Variants in LRRTM3 observed in about 807,000 individuals in gnomAD.
LRRTM3 encodes the protein leucine rich repeat transmembrane neuronal 3.
Under a neutral mutation model 44.7 loss-of-function variants are expected in LRRTM3, and 24 were observed. That is an observed-to-expected ratio of 0.54 (90% CI 0.39 to 0.76). The LOEUF is 0.76. Among genes scored for constraint, LRRTM3 ranks in the 30% least tolerant of loss-of-function variants. The pLI is 0.00. For synonymous variants in LRRTM3, 277 were observed against 278.7 expected (o/e 0.99, Z 0.06); for missense variants, 587 against 702.2 (o/e 0.84, Z 1.85).
intron 2 of LRRTM3, among the ~76,000 whole-genome samples, chr10:67,057,514 G>A (rs936749825): frequency 1.3e-5 from 2 of 152,152 alleles, no homozygotes; most frequent in South Asian, 4.1e-4. Context: ...GGACCATGCA[G>A]TAGTTCTCTT....
intron 2 of LRRTM3, among the ~76,000 whole-genome samples, chr10:67,053,602 C>T (rs957452844): frequency 2.0e-5 from 3 of 152,136 alleles, no homozygotes; most frequent in Non-Finnish European, 4.4e-5. Context: ...ATCTGAAGCA[C>T]TTTTTGCTCT....
At chr10:67,004,530 A>G (rs1851865052) in intron 2 of LRRTM3, among the ~76,000 whole-genome samples, 1 of 152,164 alleles carries the variant, frequency 6.6e-6, no homozygotes, top group African/African-American at 2.4e-5. Context: ...AAATTTTGAA[A>G]CACAAGATAT....
chr10:67,029,058 G>C (rs1331362522), intron 2 of LRRTM3, among the ~76,000 whole-genome samples: 1 of 152,100 alleles, frequency 6.6e-6, no homozygotes, highest in Non-Finnish European at 1.5e-5. Context: ...GAGTATATGT[G>C]GATGTAAGAG....
intron 2 of LRRTM3, among the ~76,000 whole-genome samples, chr10:66,982,402 G>GT (rs1274751877): frequency 6.6e-6 from 1 of 152,106 alleles, no homozygotes; most frequent in Non-Finnish European, 1.5e-5. Context: ...CTAAATCTCA[G>GT]TTTTTTCACC....
chr10:67,099,826 T>C lies in LRRTM3; in HGVS notation c.*2030T>C, dbSNP rs1358096893. On this transcript the variant is annotated 3_prime_UTR_variant, in exon 3 of 3. Coordinates refer to ENST00000361320, the MANE Select transcript of LRRTM3 (RefSeq NM_178011.5). ...ATTTTAATCTTTATGTTTTCCATTTTCTAATTTCCTTGCAATGTATTATTC... is the reference window on the plus strand; with the variant it reads ...ATTTTAATCTTTATGTTTTCCATTTCCTAATTTCCTTGCAATGTATTATTC... 6.6e-6 allele frequency: 1 copy of C among 151,836 alleles called. No individual in the cohort carries two copies. Among genetic ancestry groups the C allele is most frequent in the African/African-American group, 2.4e-5 (1 of 41,396 alleles). The allele number at this position is 151,836 out of a possible 1,614,324, so 9.4% of individuals were successfully genotyped here. A position where few individuals can be genotyped will look rare whatever the true frequency, so the allele number is the denominator to read the frequency against.
At chr10:67,052,310 ATCACTCTC>A (rs757071951) in intron 2 of LRRTM3, among the ~76,000 whole-genome samples, 12 of 92,836 alleles carry the variant, frequency 1.3e-4, no homozygotes, top group African/African-American at 4.9e-4. Flanking sequence ...ACACCCACTC[ATCACTCTC>A]TCTCTCTCTC....
At chr10:67,031,664 C>T (rs1853736337) in intron 2 of LRRTM3, among the ~76,000 whole-genome samples, 1 of 152,164 alleles carries the variant, frequency 6.6e-6, no homozygotes, top group African/African-American at 2.4e-5. Flanking sequence ...GGTAACAAAA[C>T]TGTCAGAATT....
intron 2 of LRRTM3, among the ~76,000 whole-genome samples, chr10:66,960,154 C>A (rs12247723): frequency 0.048 from 7,263 of 152,102 alleles, 597 homozygotes; most frequent in African/African-American, 0.17. Flanking sequence ...TCTCTCTCTG[C>A]AGATAACTTT....
At position 67,097,879 on chromosome 10, in the gene LRRTM3, C is replaced by A. The variant is rs766250252; in HGVS notation, c.*83C>A. 7.3e-6 allele frequency: 9 copies of A among 1,239,892 alleles called. No individual in the cohort carries two copies. The highest frequency in any genetic ancestry group is 1.0e-5 in the Non-Finnish European group (9 of 865,404). 76.8% of individuals were successfully genotyped at this position (1,239,892 alleles called of 1,614,324 possible). On this transcript the variant is annotated 3_prime_UTR_variant, in exon 3 of 3. Coordinates refer to ENST00000361320, the MANE Select transcript of LRRTM3 (RefSeq NM_178011.5). ...GAGGAAGATGTGTTCATTGTGGACT[C>A]TAAAAACAAAACAAAACACAAAATC... is the stretch of plus-strand genomic sequence containing the variant.
At chr10:66,951,563 A>G (rs1848542124) in intron 2 of LRRTM3, among the ~76,000 whole-genome samples, 1 of 152,190 alleles carries the variant, frequency 6.6e-6, no homozygotes, top group Admixed American at 6.6e-5. Context: ...AATTTTAAGT[A>G]ATATATTGAA....
intron 2 of LRRTM3, among the ~76,000 whole-genome samples, chr10:67,068,344 A>T (rs1856219972): frequency 6.6e-6 from 1 of 152,118 alleles, no homozygotes. Flanking sequence ...ATAAAAGATG[A>T]TAAGGTTTGG....
chr10:66,963,288 C>T (rs1217732506), intron 2 of LRRTM3, among the ~76,000 whole-genome samples: 1 of 152,134 alleles, frequency 6.6e-6, no homozygotes, highest in Non-Finnish European at 1.5e-5. Context: ...GCTTTGAACT[C>T]CACCTCTGCA....
At chr10:66,959,813 C>A (rs539792232) in intron 2 of LRRTM3, among the ~76,000 whole-genome samples, 1 of 152,226 alleles carries the variant, frequency 6.6e-6, no homozygotes, top group African/African-American at 2.4e-5. Context: ...AGAAACTTTG[C>A]TGACACAAAC....
rs983337665 is a variant in LRRTM3 at position 67,071,806 on chromosome 10, T to A, written c.1537-25781T>A. On this transcript the variant is annotated intron_variant, in intron 2 of 2. Coordinates refer to ENST00000361320, the MANE Select transcript of LRRTM3 (RefSeq NM_178011.5). Reference sequence around the variant, plus strand: ...ACACAATATCTAATTTTTCCCTTTTTCTTTCTATGCTTTGAGTATTTTTTC... The same window carrying A: ...ACACAATATCTAATTTTTCCCTTTTACTTTCTATGCTTTGAGTATTTTTTC... Among the ~76,000 whole-genome samples the A allele has an allele frequency of 1.4e-4, 21 of 152,206 alleles. 1 individual carries two copies. The highest frequency in any genetic ancestry group is 5.1e-4 in the African/African-American group (21 of 41,446).
At chr10:67,075,335 G>T (rs186336077) in intron 2 of LRRTM3, among the ~76,000 whole-genome samples, 225 of 152,150 alleles carry the variant, frequency 1.5e-3, no homozygotes, top group African/African-American at 5.2e-3. Context: ...GTATTAACAA[G>T]AACAAGTATT....
intron 2 of LRRTM3, among the ~76,000 whole-genome samples, chr10:67,005,813 G>A (rs1851952339): frequency 6.7e-6 from 1 of 149,140 alleles, no homozygotes; most frequent in Non-Finnish European, 1.5e-5. Flanking sequence ...AGCCTCCCGA[G>A]TAACTGGGAT....
chr10:66,987,467 C>A (rs974394833), intron 2 of LRRTM3, among the ~76,000 whole-genome samples: 1 of 152,146 alleles, frequency 6.6e-6, no homozygotes, highest in Non-Finnish European at 1.5e-5. Flanking sequence ...GGGGTCTTAG[C>A]AATCCGAGAT....
chr10:66,969,049 G>A (rs1849583691), intron 2 of LRRTM3, among the ~76,000 whole-genome samples: 1 of 151,718 alleles, frequency 6.6e-6, no homozygotes, highest in Non-Finnish European at 1.5e-5. Flanking sequence ...AATATTATAT[G>A]TAAATATATA....
intron 2 of LRRTM3, among the ~76,000 whole-genome samples, chr10:67,063,459 A>G (rs1011500469): frequency 1.3e-5 from 2 of 152,210 alleles, no homozygotes; most frequent in African/African-American, 4.8e-5. Flanking sequence ...TCCAAGTTCC[A>G]ACAGTGAGGC....
Sources: allele counts gnomAD v4.1 joint callset (sites outside exome capture counted in the v4.1 genomes callset), GRCh38; gene constraint gnomAD v4.1.1; transcripts MANE v1.5; gene names NCBI Gene and HGNC (gene_info 2026-07-23, HGNC 2026-07-21).